Variants in ROBO1 observed in about 807,000 individuals in gnomAD.
ROBO1 encodes the protein roundabout guidance receptor 1.
ROBO1 carries 149 observed loss-of-function variants against 195.9 expected under a neutral mutation model. That is an observed-to-expected ratio of 0.76 (90% CI 0.67 to 0.87). The LOEUF is 0.87. ROBO1 is among the 40% of genes least tolerant of loss of function. The pLI is 0.00. For missense variants in ROBO1, 1,933 were observed against 2,068.3 expected, an observed-to-expected ratio of 0.93 and a Z score of 1.27; for synonymous variants, 816 against 733.2, an observed-to-expected ratio of 1.11 and a Z score of -1.82.
chr3:79,508,468 T>C (rs1332816687), intron 2 of ROBO1, among the ~76,000 whole-genome samples: 1 of 152,168 alleles, frequency 6.6e-6, no homozygotes, highest in Admixed American at 6.5e-5. Flanking sequence ...TGGTGCTTTG[T>C]TATGGCAGAC....
intron 4 of ROBO1, among the ~76,000 whole-genome samples, chr3:78,812,758 T>C (rs2108634898): frequency 6.6e-6 from 1 of 152,278 alleles, no homozygotes; most frequent in East Asian, 1.9e-4. Flanking sequence ...ACTAAATTAA[T>C]ATTCACTTGA....
chr3:79,501,528 G>C (rs1940070116), intron 2 of ROBO1, among the ~76,000 whole-genome samples: 2 of 152,154 alleles, frequency 1.3e-5, no homozygotes, highest in Non-Finnish European at 2.9e-5. Context: ...CATTCTTTCA[G>C]TGGAGAGAGC....
intron 1 of ROBO1, among the ~76,000 whole-genome samples, chr3:79,668,432 A>G (rs907670559): frequency 6.6e-6 from 1 of 151,372 alleles, no homozygotes; most frequent in African/African-American, 2.4e-5. Flanking sequence ...AGCAAAAAAA[A>G]AAACAGTGAA....
chr3:79,002,866 T>G (rs1456272169), intron 3 of ROBO1, among the ~76,000 whole-genome samples: 2 of 152,200 alleles, frequency 1.3e-5, no homozygotes, highest in Non-Finnish European at 2.9e-5. Flanking sequence ...TCTCTCAATG[T>G]GGCCCACTGT....
chr3:79,060,042 C>A (rs4635673), intron 3 of ROBO1, among the ~76,000 whole-genome samples: 2,338 of 152,056 alleles, frequency 0.015, 96 homozygotes, highest in Admixed American at 0.1. Flanking sequence ...GAAAGGAATG[C>A]ATTCCCAGGG....
chr3:79,747,527 G>A (rs1172192003), intron 1 of ROBO1, among the ~76,000 whole-genome samples: 3 of 152,022 alleles, frequency 2.0e-5, no homozygotes, highest in Non-Finnish European at 4.4e-5. Flanking sequence ...AAAGTAATGA[G>A]AAAGTATACA....
At chr3:78,880,658 C>CT (rs1425375252) in intron 4 of ROBO1, among the ~76,000 whole-genome samples, 1 of 152,170 alleles carries the variant, frequency 6.6e-6, no homozygotes, top group Non-Finnish European at 1.5e-5. Context: ...AACCAGGCCG[C>CT]TGCTCTTTGA....
intron 3 of ROBO1, among the ~76,000 whole-genome samples, chr3:79,099,353 G>T (rs1290026150): frequency 6.6e-6 from 1 of 151,696 alleles, no homozygotes; most frequent in Non-Finnish European, 1.5e-5. Context: ...GAAGGAGACA[G>T]ATAGATAAAT....
At chr3:79,178,693 C>G (rs1183831702) in intron 2 of ROBO1, among the ~76,000 whole-genome samples, 1 of 152,194 alleles carries the variant, frequency 6.6e-6, no homozygotes, top group African/African-American at 2.4e-5. Context: ...CTGCCAGGAG[C>G]TGCTGGGCCT....
intron 2 of ROBO1, among the ~76,000 whole-genome samples, chr3:79,186,938 T>C (rs2081450587): frequency 6.6e-6 from 1 of 152,118 alleles, no homozygotes; most frequent in South Asian, 2.1e-4. Context: ...GGGAAAGCTT[T>C]ACTGCAGAAA....
chr3:78,828,374 T>C lies in ROBO1; in HGVS notation c.500-81474A>G, dbSNP rs548699168. ...GGCAAAAGGTGGTCAGTGGAACAGA[T>C]TGCACTGCTAGAATACATTAATTTA... On this transcript the variant is annotated intron_variant, in intron 4 of 30. Transcript: ENST00000464233. 5.3e-5 allele frequency among the ~76,000 whole-genome samples: 8 copies of C among 152,330 alleles called. No homozygotes were observed. The East Asian group carries it at 7.7e-4, about 15-fold the overall frequency.
intron 2 of ROBO1, among the ~76,000 whole-genome samples, chr3:79,255,126 T>C (rs534393004): frequency 8.5e-4 from 130 of 152,288 alleles, no homozygotes; most frequent in Non-Finnish European, 1.7e-3. Flanking sequence ...TATGCGTCCA[T>C]TATCCATATA....
At chr3:79,588,928 A>G (rs1943911767) in intron 2 of ROBO1, among the ~76,000 whole-genome samples, 3 of 151,738 alleles carry the variant, frequency 2.0e-5, no homozygotes, top group Admixed American at 6.6e-5. Flanking sequence ...TTGAAGCCCC[A>G]GGATTTTTTG....
At position 78,607,041 on chromosome 3, in the gene ROBO1, T is replaced by A. The variant is rs754612519; in HGVS notation, c.4436A>T (p.Asp1479Val). Residue 1479 changes from aspartate to valine, a missense_variant and splice_region_variant, in exon 29 of 31, where the codon GAT (aspartate) becomes GTT (valine). By Grantham distance (152) the Asp-to-Val change is radical (BLOSUM62 -3). Around this residue, in one of 3 missense-constraint regions of ROBO1, gnomAD observed 1,737 missense variants for 1,882.5 expected, o/e 0.92. Transcript: ENST00000464233. The part of the protein sequence containing the change: ...GHLRRETYTD[D>V]LPPPPVPPPA... ...TGGCGGCACAGGAGGTGGTGGAAGA[T>A]CTAAAAAGAAACATTAAAAATACTA... 6.2e-7 allele frequency: 1 copy of A among 1,605,134 alleles called. No individual in the cohort carries two copies. Among genetic ancestry groups the A allele is most frequent in the Non-Finnish European group, 8.5e-7 (1 of 1,174,398 alleles).
intron 2 of ROBO1, among the ~76,000 whole-genome samples, chr3:79,548,687 A>G (rs897579222): frequency 2.6e-5 from 4 of 152,216 alleles, no homozygotes; most frequent in Non-Finnish European, 4.4e-5. Context: ...GGTATATTAT[A>G]TGCACCTATC....
intron 1 of ROBO1, among the ~76,000 whole-genome samples, chr3:79,629,459 T>C (rs7429525): frequency 0.88 from 133,497 of 152,032 alleles, 58,721 homozygotes; most frequent in African/African-American, 0.92. Context: ...AATACAGATA[T>C]AACATACCGA....
At chr3:79,283,526 C>T (rs964061647) in intron 2 of ROBO1, among the ~76,000 whole-genome samples, 1 of 152,078 alleles carries the variant, frequency 6.6e-6, no homozygotes, top group African/African-American at 2.4e-5. Context: ...GATCTAATTA[C>T]CATTGGAATA....
intron 3 of ROBO1, among the ~76,000 whole-genome samples, chr3:78,972,460 T>C (rs2076790230): frequency 6.6e-6 from 1 of 152,214 alleles, no homozygotes; most frequent in Non-Finnish European, 1.5e-5. Flanking sequence ...GACAATGATA[T>C]TACAATTTGA....
intron 4 of ROBO1, among the ~76,000 whole-genome samples, chr3:78,841,266 C>T (rs1190950790): frequency 6.6e-6 from 1 of 152,066 alleles, no homozygotes; most frequent in Non-Finnish European, 1.5e-5. Flanking sequence ...CATACACAAA[C>T]TATGAATAAG....
Sources: allele counts gnomAD v4.1 joint callset (sites outside exome capture counted in the v4.1 genomes callset), GRCh38; gene constraint gnomAD v4.1.1; regional missense constraint gnomAD v4.1.1; transcripts MANE v1.5; gene names NCBI Gene and HGNC (gene_info 2026-07-23, HGNC 2026-07-21).